The following UBE2D3 variants were observed in gnomAD, a reference collection of about 807,000 sequenced individuals.
The protein encoded by UBE2D3 is ubiquitin-conjugating enzyme E2 D3.
In UBE2D3, 2 loss-of-function variants were observed where a neutral mutation model predicts 22.8. The observed-to-expected ratio is 0.09, with a 90% CI of 0.04 to 0.28. UBE2D3 has a LOEUF of 0.28. Among genes scored for constraint, UBE2D3 ranks in the 10% least tolerant of loss-of-function variants. The pLI, the probability that UBE2D3 is intolerant of heterozygous loss-of-function variation, is 1.00. For synonymous variants in UBE2D3, 56 were observed against 60.4 expected, an observed-to-expected ratio of 0.93 and a Z score of 0.34; for missense variants, 27 against 182.5, an observed-to-expected ratio of 0.15 and a Z score of 4.91.
At chr4:102,804,433 C>T (rs1726699984) in intron 4 of UBE2D3, among the ~76,000 whole-genome samples, 1 of 152,138 alleles carries the variant, frequency 6.6e-6, no homozygotes, top group African/African-American at 2.4e-5. Flanking sequence ...GCTGGGATTA[C>T]AGGTATCAGC....
intron 4 of UBE2D3, among the ~76,000 whole-genome samples, chr4:102,803,567 T>C (rs1726541158): frequency 6.6e-6 from 1 of 152,232 alleles, no homozygotes; most frequent in African/African-American, 2.4e-5. Flanking sequence ...ATCTAACCCC[T>C]TGCTATATAC....
intron 1 of UBE2D3, among the ~76,000 whole-genome samples, chr4:102,865,001 A>G (rs1340189091): frequency 1.3e-5 from 2 of 152,226 alleles, no homozygotes; most frequent in Admixed American, 6.5e-5. Flanking sequence ...TCCCTTTCTC[A>G]TGCACAAAAA....
chr4:102,834,541 G>T (rs1302497332), intron 1 of UBE2D3, among the ~76,000 whole-genome samples: 2 of 152,012 alleles, frequency 1.3e-5, no homozygotes, highest in Non-Finnish European at 2.9e-5. Context: ...CTTAAACCCA[G>T]GAGTTAGAGA....
upstream of UBE2D3, among the ~76,000 whole-genome samples, chr4:102,831,208 T>C (rs1467719946): frequency 6.6e-6 from 1 of 152,222 alleles, no homozygotes; most frequent in Non-Finnish European, 1.5e-5. Flanking sequence ...ATATTCTGCC[T>C]GGACCAAGTA....
intron 2 of UBE2D3, chr4:102,811,626 C>A (rs556345875): frequency 3.2e-6 from 1 of 309,128 alleles, no homozygotes; most frequent in South Asian, 2.5e-5. Flanking sequence ...GGCTGCAGAT[C>A]GCGCCACTGC....
In UBE2D3 at chr4:102,816,111, T is replaced by C. The variant is rs574879182; in HGVS notation, c.25-6256A>G. 1.8e-4 allele frequency among the ~76,000 whole-genome samples: 27 copies of C among 152,362 alleles called. 2 individuals carry two copies. The South Asian group carries it at 5.2e-3, about 29-fold the overall frequency. On this transcript the variant is annotated intron_variant, in intron 2 of 7. Transcript: ENST00000453744. ...TGCTCTTTGTAGCTAGCAGACATTT[T>C]GTCTACTCAATAAACCATCTTACTC...
chr4:102,819,086 T>C (rs932944950), intron 2 of UBE2D3, among the ~76,000 whole-genome samples: 1 of 152,198 alleles, frequency 6.6e-6, no homozygotes, highest in East Asian at 1.9e-4. Flanking sequence ...ATCCTAGCAC[T>C]TTGGGAAGCC....
At chr4:102,860,893 T>C (rs1201469102) in intron 1 of UBE2D3, among the ~76,000 whole-genome samples, 1 of 151,894 alleles carries the variant, frequency 6.6e-6, no homozygotes, top group Non-Finnish European at 1.5e-5. Context: ...AAGTGTCCTG[T>C]AGGGCTCATG....
chr4:102,801,851 T>C (rs1318170096), intron 5 of UBE2D3: 4 of 194,576 alleles, frequency 2.1e-5, no homozygotes, highest in Middle Eastern at 2.1e-3. Flanking sequence ...ATTTAACACA[T>C]TCATTTATAA....
intron 4 of UBE2D3, among the ~76,000 whole-genome samples, chr4:102,808,249 A>G (rs1009883754): frequency 4.6e-5 from 7 of 152,202 alleles, no homozygotes; most frequent in African/African-American, 1.7e-4. Flanking sequence ...ATGTGGGCCT[A>G]CTCAGAAGGC....
chr4:102,809,114 T>C (rs1039337907), intron 4 of UBE2D3: 2 of 274,580 alleles, frequency 7.3e-6, no homozygotes, highest in African/African-American at 4.5e-5. Context: ...TCTTAGATGG[T>C]ATCCATAATT....
intron 2 of UBE2D3, chr4:102,825,566 A>G: frequency 1.7e-6 from 2 of 1,195,710 alleles, no homozygotes; most frequent in Non-Finnish European, 1.1e-6. Context: ...GAGCAAGAAA[A>G]TGAGACTAAA....
chr4:102,825,342 C>T lies in UBE2D3; in HGVS notation c.24+1143G>A, dbSNP rs1293533251. The stretch of plus-strand genomic sequence containing the variant: ...TCTTCGATTGTGCAACAACCAAACA[C>T]ATCACACAAATACAAGTCACAAAAA... On this transcript the variant is annotated intron_variant, in intron 2 of 7. Coordinates refer to ENST00000453744, the MANE Select transcript of UBE2D3 (RefSeq NM_181891.3). The T allele has an allele frequency of 5.0e-6, 5 of 1,001,122 alleles. No individual in the cohort carries two copies. The African/African-American group carries it at 7.0e-5, about 14-fold the overall frequency. The allele number at this position is 1,001,122 out of a possible 1,614,324, so 62.0% of individuals were successfully genotyped here. A position where few individuals can be genotyped will look rare whatever the true frequency, so the allele number is the denominator to read the frequency against.
At chr4:102,853,898 G>T (rs927196253) in intron 1 of UBE2D3, among the ~76,000 whole-genome samples, 5 of 152,064 alleles carry the variant, frequency 3.3e-5, no homozygotes, top group Non-Finnish European at 5.9e-5. Flanking sequence ...CCACTTCAAA[G>T]TACTTTCTGA....
At chr4:102,802,359 GA>G in intron 5 of UBE2D3, 1 of 368,434 alleles carries the variant, frequency 2.7e-6, no homozygotes, top group Non-Finnish European at 4.9e-6. Flanking sequence ...CAACATTAAA[GA>G]AAAGGCAAAC....
intron 4 of UBE2D3, among the ~76,000 whole-genome samples, chr4:102,807,534 C>T (rs1225026801): frequency 2.0e-5 from 3 of 152,088 alleles, no homozygotes; most frequent in Non-Finnish European, 4.4e-5. Context: ...CAAAGCAAAA[C>T]CCAGCAGTTG....
intron 1 of UBE2D3, among the ~76,000 whole-genome samples, chr4:102,860,433 G>A (rs1416292536): frequency 6.6e-6 from 1 of 151,366 alleles, no homozygotes; most frequent in Admixed American, 6.6e-5. Context: ...ATGTGTGTGT[G>A]TGTGTGTTCT....
intron 1 of UBE2D3, among the ~76,000 whole-genome samples, chr4:102,861,571 G>A (rs76567794): frequency 0.012 from 1,757 of 151,954 alleles, 38 homozygotes; most frequent in African/African-American, 0.04. Context: ...CTAGTTCATC[G>A]GTGCTTGGAG....
intron 2 of UBE2D3, among the ~76,000 whole-genome samples, chr4:102,821,856 TATATA>T (rs1729671475): frequency 6.6e-6 from 1 of 152,162 alleles, no homozygotes; most frequent in East Asian, 1.9e-4. Context: ...CACCCAACAA[TATATA>T]ATATTCAGTA....
Sources: allele counts gnomAD v4.1 joint callset (sites outside exome capture counted in the v4.1 genomes callset), GRCh38; gene constraint gnomAD v4.1.1; transcripts MANE v1.5; gene names NCBI Gene and HGNC (gene_info 2026-07-23, HGNC 2026-07-21).